Variants in NBAS observed in about 807,000 individuals in gnomAD.
NBAS encodes NAG/BC035112 fusion.
A neutral mutation model predicts 302.5 loss-of-function variants in NBAS; 219 were observed. That is an observed-to-expected ratio of 0.72 (90% CI 0.65 to 0.81). The LOEUF is 0.81. Among genes scored for constraint, NBAS ranks in the 30% least tolerant of loss-of-function variants. The probability of loss-of-function intolerance (pLI) is 0.00; values close to 1 mark genes in which losing one functional copy is unlikely to be tolerated. For missense variants in NBAS, 2,932 were observed against 2,841.6 expected (o/e 1.03, Z -0.72); for synonymous variants, 1,118 against 1,021.6 (o/e 1.09, Z -1.80).
At chr2:15,373,709 T>C (rs1019844993) in intron 31 of NBAS, among the ~76,000 whole-genome samples, 6 of 152,206 alleles carry the variant, frequency 3.9e-5, no homozygotes, top group Admixed American at 1.3e-4. Context: ...TGAGAATGCC[T>C]CTACTGGCTC....
chr2:15,122,555 A>G, the NBAS span, among the ~76,000 whole-genome samples: 2 of 152,158 alleles, frequency 1.3e-5, no homozygotes, highest in Non-Finnish European at 2.9e-5. Flanking sequence ...TGGGGGTCAC[A>G]TTTCAACATG....
chr2:15,195,027 C>G (rs1665552863), intron 48 of NBAS, among the ~76,000 whole-genome samples: 1 of 152,006 alleles, frequency 6.6e-6, no homozygotes, highest in Admixed American at 6.6e-5. Flanking sequence ...ACAAGATCAA[C>G]ATATAAAAAT....
intron 5 of NBAS, among the ~76,000 whole-genome samples, chr2:15,552,551 C>A (rs1664429896): frequency 6.6e-6 from 1 of 152,106 alleles, no homozygotes; most frequent in African/African-American, 2.4e-5. Context: ...TAACATTTCC[C>A]AAAGAATGAA....
intron 25 of NBAS, among the ~76,000 whole-genome samples, chr2:15,403,346 C>T (rs1424275066): frequency 6.6e-6 from 1 of 152,160 alleles, no homozygotes; most frequent in Non-Finnish European, 1.5e-5. Flanking sequence ...GATTTATATA[C>T]ATTTCTTCAA....
the NBAS span, among the ~76,000 whole-genome samples, chr2:14,946,572 A>G: frequency 1.3e-5 from 2 of 152,224 alleles, no homozygotes; most frequent in Non-Finnish European, 2.9e-5. Flanking sequence ...AGGGAAAAGT[A>G]TACTGCAAAA....
At chr2:15,133,664 G>T in the NBAS span, among the ~76,000 whole-genome samples, 2 of 152,210 alleles carry the variant, frequency 1.3e-5, no homozygotes, top group Non-Finnish European at 2.9e-5. Context: ...TTCAAAGGAA[G>T]AGGAAACTCC....
the NBAS span, among the ~76,000 whole-genome samples, chr2:14,984,687 T>C: frequency 4.3e-4 from 65 of 152,232 alleles, no homozygotes; most frequent in African/African-American, 1.5e-3. Context: ...ATCCCACCCC[T>C]TTCTCCACCC....
the NBAS span, among the ~76,000 whole-genome samples, chr2:14,894,562 A>G: frequency 6.6e-6 from 1 of 151,896 alleles, no homozygotes; most frequent in African/African-American, 2.4e-5. Flanking sequence ...AATATAAAAT[A>G]TAATATGACT....
rs77053711 is a variant in NBAS, at chr2:15,516,600, G to T, written c.747-5250C>A. On this transcript the variant is annotated intron_variant, in intron 9 of 51. Transcript: ENST00000281513. ...TATCCAGGTGTGGTGGCGTGCACCT[G>T]TAGACCCAGCTACTCAGGATACTGA... Among the ~76,000 whole-genome samples the T allele has an allele frequency of 7.5e-3, 1,142 of 152,068 alleles. 19 individuals are homozygous for T. The highest frequency in any genetic ancestry group is 0.057 in the East Asian group (293 of 5,144).
intron 47 of NBAS, among the ~76,000 whole-genome samples, chr2:15,223,193 T>C (rs2147899542): frequency 6.6e-6 from 1 of 152,266 alleles, no homozygotes; most frequent in Non-Finnish European, 1.5e-5. Context: ...TCAAATTGAG[T>C]TCTTAAAATT....
chr2:15,205,312 C>A (rs1041208819), intron 48 of NBAS, among the ~76,000 whole-genome samples: 3 of 151,774 alleles, frequency 2.0e-5, no homozygotes, highest in African/African-American at 7.3e-5. Flanking sequence ...ATCACCTTCA[C>A]TAAACGGAAG....
At chr2:15,287,301 C>G in intron 41 of NBAS, 118 bp from the exon 42 acceptor site, 1 of 751,548 alleles carries the variant, frequency 1.3e-6, no homozygotes, top group African/African-American at 1.7e-5. Flanking sequence ...CAGTGTGGTC[C>G]TTAATAAGAC....
At chr2:14,800,017 C>T in the NBAS span, among the ~76,000 whole-genome samples, 1 of 152,056 alleles carries the variant, frequency 6.6e-6, no homozygotes, top group Non-Finnish European at 1.5e-5. Context: ...CAATATCTAC[C>T]TTTTAAATGG....
the NBAS span, among the ~76,000 whole-genome samples, chr2:14,905,649 G>A: frequency 2.6e-5 from 4 of 152,220 alleles, no homozygotes; most frequent in Admixed American, 2.0e-4. Context: ...AATGCCATGT[G>A]AGAAAAGTGA....
At chr2:14,823,175 G>A in the NBAS span, among the ~76,000 whole-genome samples, 1 of 152,186 alleles carries the variant, frequency 6.6e-6, no homozygotes, top group Non-Finnish European at 1.5e-5. Flanking sequence ...GCATTAATGA[G>A]CAGTTAAGAA....
chr2:15,078,311 C>T, the NBAS span, among the ~76,000 whole-genome samples: 1 of 152,152 alleles, frequency 6.6e-6, no homozygotes, highest in South Asian at 2.1e-4. Flanking sequence ...ATCAGTATTA[C>T]TATTATAAAC....
the NBAS span, among the ~76,000 whole-genome samples, chr2:15,018,668 A>AT: frequency 3.3e-5 from 5 of 152,004 alleles, no homozygotes; most frequent in Non-Finnish European, 7.4e-5. Context: ...ACTTTTAATC[A>AT]TTTTATGGAG....
chr2:14,860,759 A>C, the NBAS span, among the ~76,000 whole-genome samples: 1 of 152,150 alleles, frequency 6.6e-6, no homozygotes, highest in Non-Finnish European at 1.5e-5. Context: ...AAGAAGTAAG[A>C]CGTGGTGTTT....
intron 44 of NBAS, among the ~76,000 whole-genome samples, chr2:15,263,163 C>A (rs1255213575): frequency 1.3e-5 from 2 of 152,162 alleles, no homozygotes; most frequent in African/African-American, 2.4e-5. Flanking sequence ...TTTCTTGAGA[C>A]AGGGTCTCAC....
Sources: gnomAD v4.1 joint callset for allele counts (sites outside exome capture counted in the v4.1 genomes callset) on GRCh38, gnomAD v4.1.1 for gene constraint, MANE v1.5 for transcripts, NCBI Gene and HGNC (gene_info 2026-07-23, HGNC 2026-07-21) for gene names.